BCKDHB: variants seen among roughly 807,000 people sequenced by gnomAD.
The protein encoded by BCKDHB is branched chain keto acid dehydrogenase E1 subunit beta, also known as 2-oxoisovalerate dehydrogenase subunit beta, mitochondrial.
In BCKDHB, 41 loss-of-function variants were observed where a neutral mutation model predicts 48.5. The observed-to-expected ratio is 0.85, with a 90% CI of 0.66 to 1.10. The LOEUF (loss-of-function observed/expected upper bound fraction) is 1.10. BCKDHB is among the 50% of genes least tolerant of loss of function. The pLI, the probability that BCKDHB is intolerant of heterozygous loss-of-function variation, is 0.00. For synonymous variants in BCKDHB, 201 were observed against 174.8 expected (o/e 1.15, Z -1.18); for missense variants, 496 against 494.2 (o/e 1.00, Z -0.03).
intron 3 of BCKDHB, among the ~76,000 whole-genome samples, chr6:80,129,974 T>C (rs139297061): frequency 2.6e-5 from 4 of 152,224 alleles, no homozygotes; most frequent in South Asian, 2.1e-4. Context: ...AGTTGACATA[T>C]AATGAACCAT....
intron 8 of BCKDHB, among the ~76,000 whole-genome samples, chr6:80,266,411 A>G (rs181425961): frequency 1.5e-4 from 23 of 152,198 alleles, no homozygotes; most frequent in Non-Finnish European, 2.8e-4. Flanking sequence ...AAATGGGGCA[A>G]AAAACTTTTG....
the BCKDHB span, among the ~76,000 whole-genome samples, chr6:80,419,147 G>A: frequency 2.0e-4 from 30 of 152,264 alleles, no homozygotes; most frequent in Admixed American, 4.6e-4. Context: ...GCACTCTCAC[G>A]TGCTGACAGG....
intron 8 of BCKDHB, among the ~76,000 whole-genome samples, chr6:80,226,116 G>A (rs1049866450): frequency 6.6e-6 from 1 of 152,180 alleles, no homozygotes; most frequent in African/African-American, 2.4e-5. Context: ...GGCAGTGAGA[G>A]TTTTGATGGT....
intron 3 of BCKDHB, among the ~76,000 whole-genome samples, chr6:80,132,903 C>T (rs1439381388): frequency 6.6e-6 from 1 of 151,976 alleles, no homozygotes; most frequent in Admixed American, 6.6e-5. Flanking sequence ...AATTATCTGC[C>T]CTTTTGAATA....
At chr6:80,304,973 CTTTAAT>C (rs1395531977) in intron 9 of BCKDHB, among the ~76,000 whole-genome samples, 1 of 152,038 alleles carries the variant, frequency 6.6e-6, no homozygotes, top group Non-Finnish European at 1.5e-5. Context: ...GAAGCATTAG[CTTTAAT>C]ATCAGAAACC....
the BCKDHB span, among the ~76,000 whole-genome samples, chr6:80,432,852 G>A: frequency 3.3e-5 from 5 of 152,104 alleles, no homozygotes; most frequent in African/African-American, 7.2e-5. Flanking sequence ...GTGACCTATG[G>A]ATGGGGTCTC....
chr6:80,198,452 A>G (rs1774233400), intron 6 of BCKDHB, among the ~76,000 whole-genome samples: 1 of 152,202 alleles, frequency 6.6e-6, no homozygotes, highest in Non-Finnish European at 1.5e-5. Context: ...ACTGTTTTTT[A>G]TTTAAACATA....
downstream of BCKDHB, among the ~76,000 whole-genome samples, chr6:80,347,635 C>A (rs1046045568): frequency 1.3e-5 from 2 of 152,122 alleles, no homozygotes; most frequent in Non-Finnish European, 2.9e-5. Context: ...CTGTCTTTAA[C>A]TCTATTTTTG....
At chr6:80,350,281 T>C (rs9352828), downstream of BCKDHB, among the ~76,000 whole-genome samples, 2 of 151,906 alleles carry the variant, frequency 1.3e-5, no homozygotes, top group Admixed American at 6.6e-5. Context: ...ACCGAAGATA[T>C]AAGAATGCGA....
At chr6:80,175,228 TCTC>T (rs1188709767) in intron 6 of BCKDHB, among the ~76,000 whole-genome samples, 3 of 152,136 alleles carry the variant, frequency 2.0e-5, no homozygotes, top group African/African-American at 7.2e-5. Context: ...AGGAAGGTAT[TCTC>T]CTTCTCTTTA....
chr6:80,200,521 G>T (rs759857110), intron 6 of BCKDHB, among the ~76,000 whole-genome samples: 8 of 152,072 alleles, frequency 5.3e-5, no homozygotes, highest in Non-Finnish European at 8.8e-5. Flanking sequence ...AACAATTTTA[G>T]ATTTACAGAA....
the BCKDHB span, among the ~76,000 whole-genome samples, chr6:80,377,708 G>A: frequency 6.6e-6 from 1 of 152,196 alleles, no homozygotes; most frequent in African/African-American, 2.4e-5. Context: ...TCTTATGCCA[G>A]TAATATAATG....
intron 8 of BCKDHB, among the ~76,000 whole-genome samples, chr6:80,243,347 C>G (rs979295125): frequency 6.6e-6 from 1 of 152,064 alleles, no homozygotes; most frequent in South Asian, 2.1e-4. Context: ...GAGTGGGGAG[C>G]CCTATGGTTC....
intron 8 of BCKDHB, among the ~76,000 whole-genome samples, chr6:80,245,628 C>T (rs546807268): frequency 6.6e-6 from 1 of 152,200 alleles, no homozygotes; most frequent in African/African-American, 2.4e-5. Context: ...ACTACTATTC[C>T]AAAGTGTAGT....
the BCKDHB span, among the ~76,000 whole-genome samples, chr6:80,415,439 T>G: frequency 6.6e-6 from 1 of 152,150 alleles, no homozygotes; most frequent in South Asian, 2.1e-4. Flanking sequence ...TATTTTGAGA[T>G]GTTTGTTAAA....
chr6:80,157,774 C>T (rs1415187722), intron 3 of BCKDHB, among the ~76,000 whole-genome samples: 4 of 152,052 alleles, frequency 2.6e-5, no homozygotes, highest in African/African-American at 4.8e-5. Context: ...CCACTGCGCC[C>T]GGCCAAGAAT....
chr6:80,413,273 G>C, the BCKDHB span, among the ~76,000 whole-genome samples: 703 of 152,156 alleles, frequency 4.6e-3, 3 homozygotes, highest in African/African-American at 0.015. Flanking sequence ...TAAGCTCACC[G>C]TAAGTATGTA....
chr6:80,167,556 C>A, intron 3 of BCKDHB, 122 bp from the exon 4 acceptor site: 3 of 1,081,460 alleles, frequency 2.8e-6, no homozygotes, highest in Non-Finnish European at 4.1e-6. Flanking sequence ...TCTTTATTTT[C>A]TGTTTCCTCT....
intron 3 of BCKDHB, among the ~76,000 whole-genome samples, chr6:80,138,619 G>A (rs1190464532): frequency 2.0e-5 from 3 of 152,114 alleles, no homozygotes; most frequent in African/African-American, 7.2e-5. Context: ...CAAAGGACAT[G>A]AACTCATCAT....
Sources: gnomAD v4.1 joint callset for allele counts (sites outside exome capture counted in the v4.1 genomes callset) on GRCh38, gnomAD v4.1.1 for gene constraint, MANE v1.5 for transcripts, NCBI Gene and HGNC (gene_info 2026-07-23, HGNC 2026-07-21) for gene names.